The following PCDH15 variants were observed in gnomAD, a reference collection of about 807,000 sequenced individuals.
PCDH15 encodes the protein protocadherin-15.
A neutral mutation model predicts 178.5 loss-of-function variants in PCDH15; 129 were observed. The ratio of observed to expected loss-of-function variants is 0.72; its 90% CI spans 0.63 to 0.84. The LOEUF is 0.84. Ranked by LOEUF, PCDH15 falls within the 40% of genes least tolerant of loss-of-function variation. PCDH15 has a pLI of 0.00. For missense variants in PCDH15, 2,230 were observed against 2,099.9 expected (o/e 1.06, Z -1.21); for synonymous variants, 800 against 732.0 (o/e 1.09, Z -1.50).
intron 32 of PCDH15, chr10:53,822,036 G>T (rs774976789): frequency 3.1e-6 from 5 of 1,614,028 alleles, no homozygotes; most frequent in Non-Finnish European, 4.2e-6. Flanking sequence ...GTACATGTTA[G>T]CTACTGATTT....
In PCDH15 at chr10:55,418,657, G is replaced by T. The variant is rs542825998; in HGVS notation, c.-156+208968C>A. Among the ~76,000 whole-genome samples, 3 of 151,734 alleles carry T rather than the reference G, an allele frequency of 2.0e-5. No homozygotes were observed. In the South Asian group the frequency reaches 6.2e-4, roughly 31 times the overall value. The stretch of plus-strand genomic sequence containing the variant: ...GGCCTCTAACTCTGGATGACATTTT[G>T]TAACTTCATATTTAAGGTTATGAAA... On this transcript the variant is annotated intron_variant, in intron 2 of 5. Transcript: ENST00000613346.
chr10:54,184,895 T>G (rs530125217), intron 12 of PCDH15, among the ~76,000 whole-genome samples: 5 of 152,140 alleles, frequency 3.3e-5, no homozygotes, highest in Non-Finnish European at 7.4e-5. Flanking sequence ...CTTTCTTTTT[T>G]TTTTGAAAAG....
At chr10:55,321,093 A>G (rs962936337), upstream of PCDH15, among the ~76,000 whole-genome samples, 1 of 151,976 alleles carries the variant, frequency 6.6e-6, no homozygotes, top group African/African-American at 2.4e-5. Context: ...AAAAGAAAGA[A>G]GGAAGGAAGG....
At chr10:55,467,952 G>A (rs1173060835) in intron 2 of PCDH15, among the ~76,000 whole-genome samples, 4 of 65,540 alleles carry the variant, frequency 6.1e-5, no homozygotes, top group East Asian at 9.1e-4. Context: ...GGGCGATAGA[G>A]CCAGACTCCG....
intron 3 of PCDH15, among the ~76,000 whole-genome samples, chr10:54,503,225 ATGTGTGTGTGTGTGTGTG>A (rs35951831): frequency 1.2e-4 from 10 of 83,760 alleles, no homozygotes; most frequent in African/African-American, 2.3e-4. Flanking sequence ...ATACATATAT[ATGTGTGTGTGTGTGTGTG>A]TGTGTGTGTG....
At chr10:55,588,230 C>G (rs961305765) in intron 2 of PCDH15, among the ~76,000 whole-genome samples, 1 of 152,130 alleles carries the variant, frequency 6.6e-6, no homozygotes, top group African/African-American at 2.4e-5. Flanking sequence ...GCAAAGACAG[C>G]AATAAGGAAT....
At chr10:54,540,774 A>G (rs977167147) in intron 2 of PCDH15, among the ~76,000 whole-genome samples, 8 of 152,138 alleles carry the variant, frequency 5.3e-5, no homozygotes, top group African/African-American at 1.2e-4. Context: ...ATACTTTCAA[A>G]CCAAATAAAG....
At chr10:55,263,673 G>C (rs989343632) in intron 1 of PCDH15, among the ~76,000 whole-genome samples, 2 of 152,094 alleles carry the variant, frequency 1.3e-5, no homozygotes, top group Non-Finnish European at 2.9e-5. Flanking sequence ...CTGAGGAAGA[G>C]GCTCTTTCCC....
chr10:54,018,784 A>G (rs989376877), intron 20 of PCDH15, among the ~76,000 whole-genome samples: 3 of 151,950 alleles, frequency 2.0e-5, no homozygotes, highest in Middle Eastern at 3.2e-3. Context: ...ATCTTTCCAC[A>G]TTTTTCTATC....
intron 2 of PCDH15, among the ~76,000 whole-genome samples, chr10:55,496,119 G>A (rs1004931241): frequency 6.6e-6 from 1 of 151,762 alleles, no homozygotes; most frequent in Non-Finnish European, 1.5e-5. Context: ...TTGCACACAC[G>A]TGAACTTACT....
At chr10:54,648,276 A>G (rs1379338367) in intron 2 of PCDH15, among the ~76,000 whole-genome samples, 1 of 152,128 alleles carries the variant, frequency 6.6e-6, no homozygotes, top group Non-Finnish European at 1.5e-5. Flanking sequence ...GGAATTCATT[A>G]AACAGGACAG....
intron 2 of PCDH15, among the ~76,000 whole-genome samples, chr10:55,616,500 TG>T (rs1843478275): frequency 1.4e-5 from 2 of 142,236 alleles, no homozygotes; most frequent in Admixed American, 1.5e-4. Flanking sequence ...ATTATTGTGA[TG>T]TATTATGCTG....
At chr10:54,250,077 C>CTATTTATTTTT (rs1412806029) in intron 8 of PCDH15, among the ~76,000 whole-genome samples, 1 of 137,810 alleles carries the variant, frequency 7.3e-6, no homozygotes, top group African/African-American at 2.7e-5. Flanking sequence ...CCACATCCGG[C>CTATTTATTTTT]TTTTTTTTTT....
chr10:54,216,560 G>A (rs150694494), intron 9 of PCDH15, among the ~76,000 whole-genome samples: 1 of 152,228 alleles, frequency 6.6e-6, no homozygotes, highest in Non-Finnish European at 1.5e-5. Flanking sequence ...TGCTTATCTC[G>A]ATACATAAGA....
chr10:54,510,050 C>T (rs1314854055), intron 3 of PCDH15, among the ~76,000 whole-genome samples: 2 of 152,176 alleles, frequency 1.3e-5, no homozygotes, highest in African/African-American at 2.4e-5. Flanking sequence ...TACACAAATC[C>T]TTGGCATAAA....
At chr10:54,560,191 A>C (rs1590113473) in intron 2 of PCDH15, among the ~76,000 whole-genome samples, 1 of 152,200 alleles carries the variant, frequency 6.6e-6, no homozygotes, top group Admixed American at 6.5e-5. Flanking sequence ...GTCCGCCTAT[A>C]GAAGATTTTG....
intron 1 of PCDH15, among the ~76,000 whole-genome samples, chr10:55,236,311 T>C (rs1334700376): frequency 6.6e-6 from 1 of 152,006 alleles, no homozygotes; most frequent in African/African-American, 2.4e-5. Flanking sequence ...TTCAGACAAA[T>C]TAGAAGGAAC....
chr10:54,681,931 G>T (rs2094908277), intron 1 of PCDH15, among the ~76,000 whole-genome samples: 1 of 152,154 alleles, frequency 6.6e-6, no homozygotes, highest in Non-Finnish European at 1.5e-5. Flanking sequence ...TCCAGACAGT[G>T]GTAATTAACC....
At chr10:54,356,289 C>T (rs1222584695) in intron 5 of PCDH15, among the ~76,000 whole-genome samples, 3 of 151,832 alleles carry the variant, frequency 2.0e-5, no homozygotes, top group African/African-American at 4.8e-5. Context: ...AATTTAGAGA[C>T]ATTTTATACA....
Sources: allele counts gnomAD v4.1 joint callset (sites outside exome capture counted in the v4.1 genomes callset), GRCh38; gene constraint gnomAD v4.1.1; transcripts MANE v1.5; gene names NCBI Gene and HGNC (gene_info 2026-07-23, HGNC 2026-07-21).